The following SIL1 variants were observed in gnomAD, a reference collection of about 807,000 sequenced individuals.
SIL1 encodes the protein SIL1 nucleotide exchange factor.
A neutral mutation model predicts 49.1 loss-of-function variants in SIL1; 40 were observed. The ratio of observed to expected loss-of-function variants is 0.81; its 90% CI spans 0.63 to 1.06. The LOEUF (loss-of-function observed/expected upper bound fraction) is 1.06. SIL1 is among the 50% of genes least tolerant of loss of function. SIL1 has a pLI of 0.00. For synonymous variants in SIL1, 253 were observed against 250.8 expected, an observed-to-expected ratio of 1.01 and a Z score of -0.08; for missense variants, 500 against 572.6, an observed-to-expected ratio of 0.87 and a Z score of 1.29.
intron 7 of SIL1, among the ~76,000 whole-genome samples, chr5:139,017,530 G>A (rs1423502338): frequency 1.3e-5 from 2 of 152,180 alleles, no homozygotes; most frequent in East Asian, 3.8e-4. Context: ...TACATGTGCA[G>A]ATGAGAACAT....
intron 1 of SIL1, among the ~76,000 whole-genome samples, chr5:139,141,500 T>A (rs1367680215): frequency 1.3e-5 from 2 of 151,608 alleles, no homozygotes; most frequent in African/African-American, 4.9e-5. Context: ...AAAAAAAAAT[T>A]TTTTTTTCAT....
intron 1 of SIL1, among the ~76,000 whole-genome samples, chr5:139,170,013 C>T (rs112570678): frequency 5.4e-4 from 83 of 152,376 alleles, no homozygotes; most frequent in South Asian, 1.2e-3. Flanking sequence ...ATTACAGGCG[C>T]GTGCTGCCAC....
Position 138,978,180 on chromosome 5 carries a change from GC to G in SIL1, c.768-26297del, listed in dbSNP as rs560658788. On this transcript the variant is annotated intron_variant, in intron 7 of 9. Coordinates refer to ENST00000394817, the MANE Select transcript of SIL1 (RefSeq NM_022464.5). ...ATCACAATTTTAAGGCATTTTCATTGCCCCCCCATACCTATTACTAGTGCCC... is the reference window on the plus strand; with the variant it reads ...ATCACAATTTTAAGGCATTTTCATTGCCCCCCATACCTATTACTAGTGCCC... 6.5e-5 allele frequency among the ~76,000 whole-genome samples: 9 copies of G among 137,418 alleles called. No homozygotes were observed. In the South Asian group the frequency reaches 1.6e-3, roughly 25 times the overall value. The allele number at this position is 137,418 out of a possible 152,430, so 90.2% of individuals were successfully genotyped here. A position where few individuals can be genotyped will look rare whatever the true frequency, so the allele number is the denominator to read the frequency against.
intron 3 of SIL1, among the ~76,000 whole-genome samples, chr5:139,116,362 C>T (rs1305017923): frequency 1.3e-5 from 2 of 152,114 alleles, no homozygotes; most frequent in South Asian, 2.1e-4. Context: ...AGGCTTCCTG[C>T]GTGCTCACAT....
intron 1 of SIL1, among the ~76,000 whole-genome samples, chr5:139,159,302 G>A (rs539146584): frequency 2.0e-5 from 3 of 152,340 alleles, no homozygotes; most frequent in East Asian, 1.9e-4. Flanking sequence ...AAGAGGGGAT[G>A]GAGAAGAAAT....
chr5:139,175,026 A>G (rs1434736307), intron 1 of SIL1, among the ~76,000 whole-genome samples: 9 of 151,716 alleles, frequency 5.9e-5, no homozygotes, highest in African/African-American at 1.5e-4. Flanking sequence ...GAAAAGGATT[A>G]TAAGAGTGTA....
Position 139,130,128 on chromosome 5 carries a change from T to G in SIL1, c.-10-2275A>C, listed in dbSNP as rs1750832354. 2.0e-5 allele frequency among the ~76,000 whole-genome samples: 3 copies of G among 151,998 alleles called. No homozygotes were observed. The South Asian group carries it at 6.2e-4, about 32-fold the overall frequency. On this transcript the variant is annotated intron_variant, in intron 1 of 9. Coordinates refer to ENST00000394817, the MANE Select transcript of SIL1 (RefSeq NM_022464.5). ...TCTCTAAAAAAACAAATTAAAAATT[T>G]TTTAAATTAGCCAGGTGTGGTGGTG...
chr5:139,172,233 C>T (rs181969539), intron 1 of SIL1, among the ~76,000 whole-genome samples: 11 of 152,222 alleles, frequency 7.2e-5, no homozygotes, highest in Admixed American at 2.0e-4. Flanking sequence ...ATGAAAGACA[C>T]GAACATAAAC....
chr5:139,057,510 C>G (rs953279426), intron 3 of SIL1, among the ~76,000 whole-genome samples: 1 of 151,832 alleles, frequency 6.6e-6, no homozygotes, highest in South Asian at 2.1e-4. Flanking sequence ...AGTCAGAGGC[C>G]GCAGGCTACC....
At chr5:139,056,229 C>G (rs10077982) in intron 3 of SIL1, among the ~76,000 whole-genome samples, 1 of 143,116 alleles carries the variant, frequency 7.0e-6, no homozygotes, top group Admixed American at 6.8e-5. Context: ...AAGTGAGGAG[C>G]GCCTCTTCCC....
intron 3 of SIL1, among the ~76,000 whole-genome samples, chr5:139,095,778 T>C (rs1671158043): frequency 6.6e-6 from 1 of 151,624 alleles, no homozygotes; most frequent in South Asian, 2.1e-4. Flanking sequence ...CGGTGAGTCG[T>C]GACTGTGCCA....
At chr5:139,138,782 G>T (rs1445587997) in intron 1 of SIL1, among the ~76,000 whole-genome samples, 1 of 152,166 alleles carries the variant, frequency 6.6e-6, no homozygotes, top group Non-Finnish European at 1.5e-5. Flanking sequence ...AAAATTCTGA[G>T]CAAAGAATAG....
intron 4 of SIL1, among the ~76,000 whole-genome samples, chr5:139,046,498 C>T (rs555327470): frequency 6.6e-6 from 1 of 152,336 alleles, no homozygotes; most frequent in East Asian, 1.9e-4. Context: ...TGATCATTTT[C>T]TTGCTTCTCA....
At chr5:138,967,265 A>G (rs1767165078) in intron 7 of SIL1, among the ~76,000 whole-genome samples, 1 of 152,184 alleles carries the variant, frequency 6.6e-6, no homozygotes, top group Admixed American at 6.5e-5. Flanking sequence ...TAGAAATGCA[A>G]ATTCTCAAGC....
At chr5:139,118,813 A>G (rs1367767245) in intron 3 of SIL1, among the ~76,000 whole-genome samples, 2 of 152,160 alleles carry the variant, frequency 1.3e-5, no homozygotes, top group East Asian at 1.9e-4. Flanking sequence ...AAACATGTCA[A>G]TTCTTTACTG....
chr5:139,167,652 A>G (rs1669859238), intron 1 of SIL1, among the ~76,000 whole-genome samples: 2 of 151,780 alleles, frequency 1.3e-5, no homozygotes, highest in South Asian at 4.1e-4. Flanking sequence ...CTACAGCTAC[A>G]TTTATTATTG....
Position 138,947,032 on chromosome 5 carries a change from G to T in SIL1, c.*85C>A. 9.8e-7 allele frequency: 1 copy of T among 1,016,210 alleles called. No homozygotes were observed. Among genetic ancestry groups the T allele is most frequent in the Non-Finnish European group, 1.5e-6 (1 of 656,892 alleles). 62.9% of individuals were successfully genotyped at this position (1,016,210 alleles called of 1,614,324 possible). A position where few individuals can be genotyped will look rare whatever the true frequency, so the allele number is the denominator to read the frequency against. ...TTAATGGCCAAGCCAGCACTGCCAA[G>T]ATGTCCTCCTGCCTGAGAAGCCCAC... On this transcript the variant is annotated 3_prime_UTR_variant, in exon 10 of 10. Coordinates refer to ENST00000394817, the MANE Select transcript of SIL1 (RefSeq NM_022464.5). This position sits in a 1 kb window ranked among gnomAD's most constrained non-coding sequence, Gnocchi z 4.1.
rs1195350577 is a variant in SIL1 at position 138,993,036 on chromosome 5, A to G, written c.767+28135T>C. 2.0e-5 allele frequency among the ~76,000 whole-genome samples: 3 copies of G among 152,174 alleles called. No homozygotes were observed. In the East Asian group the frequency reaches 5.8e-4, roughly 29 times the overall value. ...ATCTGTTCTCCCATTCTTCCACAGT[A>G]GCAGAATTTTTGCTGGGCAAATAAA... is the stretch of plus-strand genomic sequence containing the variant. On this transcript the variant is annotated intron_variant, in intron 7 of 9. Coordinates refer to ENST00000394817, the MANE Select transcript of SIL1 (RefSeq NM_022464.5).
chr5:139,109,686 A>T, intron 3 of SIL1, among the ~76,000 whole-genome samples: 1 of 139,534 alleles, frequency 7.2e-6, no homozygotes, highest in Non-Finnish European at 1.5e-5. Context: ...ACCTAGCACA[A>T]GGGGATGTTA....
Sources: allele counts gnomAD v4.1 joint callset (sites outside exome capture counted in the v4.1 genomes callset), GRCh38; gene constraint gnomAD v4.1.1; non-coding constraint Gnocchi (gnomAD v3.1); transcripts MANE v1.5; gene names NCBI Gene and HGNC (gene_info 2026-07-23, HGNC 2026-07-21).